The following TGFBR2 variants were observed in gnomAD, a reference collection of about 807,000 sequenced individuals.
TGFBR2 encodes the protein TGF-beta receptor type-2.
TGFBR2 carries 18 observed loss-of-function variants against 49.0 expected under a neutral mutation model. The observed-to-expected ratio is 0.37, with a 90% CI of 0.25 to 0.54. The LOEUF is 0.54. TGFBR2 is among the 20% of genes least tolerant of loss of function. The pLI is 0.85. For synonymous variants in TGFBR2, 282 were observed against 275.9 expected, an observed-to-expected ratio of 1.02 and a Z score of -0.22; for missense variants, 525 against 722.6, an observed-to-expected ratio of 0.73 and a Z score of 3.13.
chr3:30,659,862 C>T (rs930436144), intron 3 of TGFBR2, among the ~76,000 whole-genome samples: 16 of 151,740 alleles, frequency 1.1e-4, no homozygotes, highest in African/African-American at 2.2e-4. Context: ...TGCTGCTTTG[C>T]GAGTGTCTCA....
At chr3:30,637,062 T>TA (rs1698550172) in intron 1 of TGFBR2, among the ~76,000 whole-genome samples, 1 of 137,392 alleles carries the variant, frequency 7.3e-6, no homozygotes, top group African/African-American at 2.8e-5. Context: ...AGACTCTGTC[T>TA]GAAAAAAAAA....
rs1256628064 is a variant in TGFBR2, at chr3:30,628,539, T to TG, written c.95-16208_95-16207insG. ...GAAAAAGCCTGTGGGTTTTTTTTTT[T>TG]TTTTTTTTTTTTTTCTCTAAAATGT... On this transcript the variant is annotated intron_variant, in intron 1 of 6. Transcript: ENST00000295754. Among the ~76,000 whole-genome samples the TG allele has an allele frequency of 4.7e-5, 7 of 148,002 alleles. No individual in the cohort carries two copies. The East Asian group carries it at 9.8e-4, about 21-fold the overall frequency.
intron 1 of TGFBR2, among the ~76,000 whole-genome samples, chr3:30,623,558 C>T (rs1435327062): frequency 6.6e-6 from 1 of 152,090 alleles, no homozygotes; most frequent in African/African-American, 2.4e-5. Flanking sequence ...TTTACTTTTC[C>T]CCTTTTCTTA....
At chr3:30,617,237 C>T (rs1698149240) in intron 1 of TGFBR2, among the ~76,000 whole-genome samples, 2 of 152,140 alleles carry the variant, frequency 1.3e-5, no homozygotes, top group South Asian at 2.1e-4. Flanking sequence ...GAGTAGCTGC[C>T]GCAACCTCTA....
intron 3 of TGFBR2, among the ~76,000 whole-genome samples, chr3:30,670,771 T>A (rs1699322292): frequency 6.6e-6 from 1 of 152,270 alleles, no homozygotes; most frequent in Non-Finnish European, 1.5e-5. Flanking sequence ...ACTGCAGCAT[T>A]TCCATTTTTA....
intron 3 of TGFBR2, among the ~76,000 whole-genome samples, chr3:30,664,674 G>A (rs1384279051): frequency 6.6e-6 from 1 of 152,306 alleles, no homozygotes; most frequent in South Asian, 2.1e-4. Flanking sequence ...ACATGCACAC[G>A]CGCGTGCGCG....
chr3:30,666,963 C>T (rs929205144), intron 3 of TGFBR2, among the ~76,000 whole-genome samples: 1 of 152,054 alleles, frequency 6.6e-6, no homozygotes, highest in Non-Finnish European at 1.5e-5. Flanking sequence ...TTAGTTGGCT[C>T]TCACCAATAT....
At chr3:30,682,792 C>T (rs1360136696) in intron 5 of TGFBR2, among the ~76,000 whole-genome samples, 2 of 152,170 alleles carry the variant, frequency 1.3e-5, no homozygotes, top group Non-Finnish European at 2.9e-5. Flanking sequence ...TTAGAAATTA[C>T]AAATAACAAC....
At chr3:30,639,216 G>A (rs180730967) in intron 1 of TGFBR2, among the ~76,000 whole-genome samples, 1 of 152,294 alleles carries the variant, frequency 6.6e-6, no homozygotes, top group East Asian at 1.9e-4. Context: ...ATCACCCAGG[G>A]CAGCAGCTCC....
chr3:30,677,428 T>C (rs908653446), intron 5 of TGFBR2, among the ~76,000 whole-genome samples: 10 of 152,192 alleles, frequency 6.6e-5, no homozygotes, highest in African/African-American at 2.4e-4. Context: ...CCCACAGTCC[T>C]ATTTCTCCCA....
At chr3:30,622,582 C>T (rs1157681686) in intron 1 of TGFBR2, among the ~76,000 whole-genome samples, 1 of 151,702 alleles carries the variant, frequency 6.6e-6, no homozygotes, top group Non-Finnish European at 1.5e-5. Context: ...CTTCTTCAGG[C>T]AGATAGAAAA....
At chr3:30,673,606 C>A (rs981579160) in intron 4 of TGFBR2, among the ~76,000 whole-genome samples, 4 of 152,130 alleles carry the variant, frequency 2.6e-5, no homozygotes, top group African/African-American at 7.2e-5. Context: ...TGCAATTGTA[C>A]TATATCCTTT....
At position 30,674,042 on chromosome 3, in the gene TGFBR2, A is replaced by G. The variant is rs1161689332; in HGVS notation, c.1255-63A>G. On this transcript the variant is annotated intron_variant, in intron 4 of 6. Transcript: ENST00000295754. ...CGTGTCAGGGGCCACCATCAGCTAT[A>G]TTGTGAAAATAAAAAGGCAGCTGGA... 1.1e-5 allele frequency: 17 copies of G among 1,606,934 alleles called. No individual in the cohort carries two copies. In the East Asian group the frequency reaches 3.1e-4, roughly 30 times the overall value.
chr3:30,671,482 A>G (rs1699335679), intron 3 of TGFBR2, among the ~76,000 whole-genome samples, 156 bp from the exon 4 acceptor site: 2 of 152,232 alleles, frequency 1.3e-5, no homozygotes, highest in African/African-American at 4.8e-5. Context: ...CTGAACGAGC[A>G]TGCACTTGCA....
At chr3:30,653,316 G>A (rs13068562) in intron 3 of TGFBR2, among the ~76,000 whole-genome samples, 23,085 of 139,654 alleles carry the variant, frequency 0.17, 2,042 homozygotes, top group East Asian at 0.39. Flanking sequence ...CAATGGTGCA[G>A]TCTCGGCTCA....
intron 1 of TGFBR2, among the ~76,000 whole-genome samples, chr3:30,641,702 T>C (rs1698648898): frequency 6.6e-6 from 1 of 152,158 alleles, no homozygotes; most frequent in Admixed American, 6.5e-5. Context: ...ACCATATGCC[T>C]GTGTCTATAT....
Position 30,691,587 on chromosome 3 carries a change from C to T in TGFBR2, c.1692C>T (p.Asn564=), listed in dbSNP as rs201476040. Residue 564 remains asparagine, a synonymous_variant, in exon 7 of 7, where the codon AAC becomes AAT. Coordinates refer to ENST00000295754, the MANE Select transcript of TGFBR2 (RefSeq NM_003242.6). ...AGATTCCTGAAGACGGCTCCCTAAA[C>T]ACTACCAAATAGCTCTTCTGGGGCA... The part of the protein sequence containing the change: ...EEKIPEDGSL[N]TTK 4 of 1,614,086 alleles carry T rather than the reference C, an allele frequency of 2.5e-6. No individual in the cohort carries two copies. The African/African-American group carries it at 4.0e-5, about 16-fold the overall frequency.
chr3:30,650,108 G>A (rs774716993), intron 2 of TGFBR2, among the ~76,000 whole-genome samples, 162 bp from the exon 3 acceptor site: 33 of 152,304 alleles, frequency 2.2e-4, no homozygotes, highest in Admixed American at 3.9e-4. Flanking sequence ...CTATAGGACA[G>A]CCTGCGAATG....
At chr3:30,671,026 C>A (rs576550143) in intron 3 of TGFBR2, among the ~76,000 whole-genome samples, 1 of 152,230 alleles carries the variant, frequency 6.6e-6, no homozygotes, top group African/African-American at 2.4e-5. Flanking sequence ...AACTGTGGCA[C>A]GCTCTGTGTT....
Sources: allele counts gnomAD v4.1 joint callset (sites outside exome capture counted in the v4.1 genomes callset), GRCh38; gene constraint gnomAD v4.1.1; transcripts MANE v1.5; gene names NCBI Gene and HGNC (gene_info 2026-07-23, HGNC 2026-07-21).